ELN: variants seen among roughly 807,000 people sequenced by gnomAD.
The protein encoded by ELN is tropoelastin.
In ELN, 65 loss-of-function variants were observed where a neutral mutation model predicts 105.8. The ratio of observed to expected loss-of-function variants is 0.61; its 90% CI spans 0.50 to 0.75. The LOEUF (loss-of-function observed/expected upper bound fraction) is 0.75, where lower values mean the gene tolerates loss of function less well. Ranked by LOEUF, ELN falls within the 30% of genes least tolerant of loss-of-function variation. The pLI is 0.00. For missense variants in ELN, 882 were observed against 969.4 expected, an observed-to-expected ratio of 0.91 and a Z score of 1.20; for synonymous variants, 368 against 389.2, an observed-to-expected ratio of 0.95 and a Z score of 0.64.
At chr7:74,034,891 A>C (rs1184670574) in intron 1 of ELN, among the ~76,000 whole-genome samples, 1 of 152,146 alleles carries the variant, frequency 6.6e-6, no homozygotes, top group African/African-American at 2.4e-5. Context: ...ACTTGAGGTC[A>C]GGGGTTCAAG....
chr7:74,056,743 G>A, intron 21 of ELN, 30 bp downstream of exon 21: 1 of 1,613,450 alleles, frequency 6.2e-7, no homozygotes. Flanking sequence ...CTGTCCCCAA[G>A]TCCTGCTCTC....
intron 5 of ELN, among the ~76,000 whole-genome samples, chr7:74,041,762 G>A (rs1417107003): frequency 7.9e-5 from 12 of 152,052 alleles, no homozygotes; most frequent in Admixed American, 7.9e-4. Flanking sequence ...CCAGGCTGGA[G>A]TGCAGTGGCT....
chr7:74,059,789 A>T (rs1796190189), intron 22 of ELN, 97 bp from the exon 23 acceptor site: 2 of 796,568 alleles, frequency 2.5e-6, no homozygotes, highest in Non-Finnish European at 4.6e-6. Context: ...TCACACAGCA[A>T]ATCTATGCCA....
intron 3 of ELN, among the ~76,000 whole-genome samples, 186 bp from the exon 4 acceptor site, chr7:74,037,521 T>C (rs1790254384): frequency 6.6e-6 from 1 of 152,198 alleles, no homozygotes; most frequent in African/African-American, 2.4e-5. Context: ...GCTGAGACTC[T>C]GGGACTCAGA....
chr7:74,028,410 C>G lies in ELN; in HGVS notation c.82+141C>G. The stretch of plus-strand genomic sequence containing the variant: ...GTGGGAGCCCCTCAGCCACTGGGTC[C>G]TCGGAACTGCCCCTCCCAGGAGCCA... On this transcript the variant is annotated intron_variant, in intron 1 of 32. Transcript: ENST00000252034. The G allele has an allele frequency of 6.2e-6, 6 of 964,356 alleles. 1 individual carries two copies. The Admixed American group carries it at 1.3e-4, about 21-fold the overall frequency. The allele number at this position is 964,356 out of a possible 1,614,324, so 59.7% of individuals were successfully genotyped here.
chr7:74,060,655 C>A, intron 25 of ELN, 154 bp downstream of exon 25: 3 of 1,544,774 alleles, frequency 1.9e-6, no homozygotes, highest in African/African-American at 1.4e-5. Context: ...TAACAGATAG[C>A]GGGAGGAGGG....
chr7:74,053,338 G>A, intron 18 of ELN, 29 bp downstream of exon 18: 1 of 1,596,284 alleles, frequency 6.3e-7, no homozygotes, highest in Admixed American at 1.7e-5. Context: ...GTGTGTGTGT[G>A]TGTGTGTGTG....
At chr7:74,036,868 T>G (rs377015160) in intron 3 of ELN, among the ~76,000 whole-genome samples, 1 of 152,328 alleles carries the variant, frequency 6.6e-6, no homozygotes, top group East Asian at 1.9e-4. Flanking sequence ...TCGCCCAGGC[T>G]GGAGTGCAGT....
rs782292334 is a variant in ELN, at chr7:74,028,213, C to G, written c.26C>G (p.Pro9Arg). ...ATGGCGGGTCTGACGGCGGCGGCCC[C>G]GCGGCCCGGAGTCCTCCTGCTCCTG... is the stretch of plus-strand genomic sequence containing the variant. MAGLTAAA[P>R]RPGVLLLLLS... Residue 9 changes from proline to arginine, a missense_variant, in exon 1 of 33, where the codon CCG (proline) becomes CGG (arginine). Coordinates refer to ENST00000252034, the MANE Select transcript of ELN (RefSeq NM_000501.4). 1.9e-6 allele frequency: 3 copies of G among 1,611,378 alleles called. No homozygotes were observed. The highest frequency in any genetic ancestry group is 2.5e-6 in the Non-Finnish European group (3 of 1,179,688).
Position 74,063,683 on chromosome 7 carries a change from G to C in ELN, c.1981G>C (p.Gly661Arg). Residue 661 changes from glycine (G) to arginine (R), a missense_variant, in exon 29 of 33, where the codon GGG becomes CGG. Transcript: ENST00000252034. This position sits in a 1 kb window ranked among gnomAD's most constrained non-coding sequence, Gnocchi z 4.1. Reference protein sequence around the residue: ...GVGGLGVPGVGGLGGIPPAAA... With the variant: ...GVGGLGVPGVRGLGGIPPAAA... Reference sequence around the variant, plus strand: ...CGGAGGGCTTGGAGTTCCAGGTGTTGGGGGCCTTGGAGGTGAGAGTTGTTC... The same window carrying C: ...CGGAGGGCTTGGAGTTCCAGGTGTTCGGGGCCTTGGAGGTGAGAGTTGTTC... 1 of 1,614,190 alleles carries C rather than the reference G, an allele frequency of 6.2e-7. No individual in the cohort carries two copies. The highest frequency in any genetic ancestry group is 8.5e-7 in the Non-Finnish European group (1 of 1,180,034).
chr7:74,038,570 C>T (rs2131297028), intron 4 of ELN, among the ~76,000 whole-genome samples: 1 of 152,352 alleles, frequency 6.6e-6, no homozygotes, highest in East Asian at 1.9e-4. Flanking sequence ...GAAGGTGGGG[C>T]AGGTCCCTCC....
At position 74,060,468 on chromosome 7, in the gene ELN, G is replaced by A. The variant is rs202022811; in HGVS notation, c.1714G>A (p.Gly572Arg). The A allele has an allele frequency of 7.4e-6, 12 of 1,614,236 alleles. No homozygotes were observed. In the East Asian group the frequency reaches 2.5e-4, roughly 33 times the overall value. The change falls in exon 25 of 33, where the codon GGA becomes AGA. Residue 572 changes from glycine (G) to arginine (R), a missense_variant. By Grantham distance (125) the Gly-to-Arg change is moderately radical (BLOSUM62 -2). Coordinates refer to ENST00000252034, the MANE Select transcript of ELN (RefSeq NM_000501.4). ...LGVGAGVPGLGVGAGVPGFGA... is the reference protein window; with the variant it reads ...LGVGAGVPGLRVGAGVPGFGA... Reference sequence around the variant, plus strand: ...AGTTGGTGCTGGTGTTCCTGGACTTGGAGTTGGTGCTGGTGTTCCTGGCTT... The same window carrying A: ...AGTTGGTGCTGGTGTTCCTGGACTTAGAGTTGGTGCTGGTGTTCCTGGCTT...
intron 4 of ELN, among the ~76,000 whole-genome samples, chr7:74,040,297 G>C (rs1236538511): frequency 5.3e-5 from 8 of 152,234 alleles, no homozygotes; most frequent in Non-Finnish European, 1.2e-4. Context: ...AGCGCAGGTG[G>C]GTCTGGCCCG....
rs1554690829 is a variant in ELN at position 74,069,033 on chromosome 7, G to T, written c.*333G>T. 9.2e-6 allele frequency: 4 copies of T among 434,834 alleles called. No homozygotes were observed. In the Admixed American group the frequency reaches 1.4e-4, roughly 15 times the overall value. 26.9% of individuals were successfully genotyped at this position (434,834 alleles called of 1,614,324 possible). On this transcript the variant is annotated 3_prime_UTR_variant, in exon 33 of 33. Transcript: ENST00000252034. ...GCTGGTGCTCTTATCTTCCTGGGGG[G>T]AGGGAGGAGGGAAGGGTGGCCCCTC... is the stretch of plus-strand genomic sequence containing the variant.
chr7:74,043,323 T>C lies in ELN; in HGVS notation c.427+155T>C, dbSNP rs920030173. 20 of 1,168,242 alleles carry C rather than the reference T, an allele frequency of 1.7e-5. No individual in the cohort carries two copies. In the Admixed American group the frequency reaches 4.0e-4, roughly 23 times the overall value. 72.4% of individuals were successfully genotyped at this position (1,168,242 alleles called of 1,614,324 possible). A position where few individuals can be genotyped will look rare whatever the true frequency, so the allele number is the denominator to read the frequency against. ...AACTAGCCAGGCTGGTGCCTGCGTC[T>C]GTGAAATGGGGAGGAGGGGCCTGGC... is the stretch of plus-strand genomic sequence containing the variant. On this transcript the variant is annotated intron_variant, in intron 8 of 32. Coordinates refer to ENST00000252034, the MANE Select transcript of ELN (RefSeq NM_000501.4).
At position 74,053,175 on chromosome 7, in the gene ELN, G is replaced by C; in HGVS notation, c.962G>C (p.Gly321Ala). 1 of 1,614,186 alleles carries C rather than the reference G, an allele frequency of 6.2e-7. No individual in the cohort carries two copies. Among genetic ancestry groups the C allele is most frequent in the Non-Finnish European group, 8.5e-7 (1 of 1,180,036 alleles). Residue 321 changes from glycine (G) to alanine (A), a missense_variant, in exon 18 of 33, where the codon GGC becomes GCC. Gly to Ala is a moderately conservative substitution (Grantham distance 60). Transcript: ENST00000252034. Reference sequence around the variant, plus strand: ...TTTTCTTCCACAGGAGCTGCTGCAGGCTTAGTGCCTGGTGGGCCAGGCTTT... The same window carrying C: ...TTTTCTTCCACAGGAGCTGCTGCAGCCTTAGTGCCTGGTGGGCCAGGCTTT... ...AKAAKYGAAA[G>A]LVPGGPGFGP...
intron 8 of ELN, chr7:74,043,580 T>C (rs1554670209): frequency 1.6e-6 from 1 of 641,280 alleles, no homozygotes; most frequent in African/African-American, 1.8e-5. Flanking sequence ...AACAAAAGAC[T>C]GCCTGAGTCT....
rs782707995 is a variant in ELN, at chr7:74,035,429, A to ACTTC, written c.133+17_133+20dup. Reference sequence around the variant, plus strand: ...CTTTTATCCAGGTAACGTACATGAAACTTCCACACACCCAGGTCATGCGGA... The same window carrying ACTTC: ...CTTTTATCCAGGTAACGTACATGAAACTTCCTTCCACACACCCAGGTCATGCGGA... On this transcript the variant is annotated intron_variant, in intron 2 of 32. Coordinates refer to ENST00000252034, the MANE Select transcript of ELN (RefSeq NM_000501.4). 2 of 1,614,082 alleles carry ACTTC rather than the reference A, an allele frequency of 1.2e-6. No homozygotes were observed. Among genetic ancestry groups the ACTTC allele is most frequent in the South Asian group, 2.2e-5 (2 of 91,052 alleles).
chr7:74,045,144 G>T, intron 9 of ELN, 78 bp from the exon 10 acceptor site: 1 of 1,552,656 alleles, frequency 6.4e-7, no homozygotes, highest in Middle Eastern at 1.7e-4. Flanking sequence ...GTCAGCTGGG[G>T]GACCCGAGGA....
Sources: gnomAD v4.1 joint callset for allele counts (sites outside exome capture counted in the v4.1 genomes callset) on GRCh38, gnomAD v4.1.1 for gene constraint, Gnocchi (gnomAD v3.1) non-coding constraint, MANE v1.5 for transcripts, NCBI Gene and HGNC (gene_info 2026-07-23, HGNC 2026-07-21) for gene names.